PRKAG2: variants seen among roughly 807,000 people sequenced by gnomAD.
PRKAG2 encodes the protein protein kinase AMP-activated non-catalytic subunit gamma 2.
In PRKAG2, 26 loss-of-function variants were observed where a neutral mutation model predicts 69.6. The ratio of observed to expected loss-of-function variants is 0.37; its 90% CI spans 0.27 to 0.52. The LOEUF (loss-of-function observed/expected upper bound fraction) is 0.52. Among genes scored for constraint, PRKAG2 ranks in the 20% least tolerant of loss-of-function variants. The probability of loss-of-function intolerance (pLI) is 0.90; values close to 1 mark genes in which losing one functional copy is unlikely to be tolerated. For synonymous variants in PRKAG2, 293 were observed against 285.0 expected, an observed-to-expected ratio of 1.03 and a Z score of -0.28; for missense variants, 557 against 740.0, an observed-to-expected ratio of 0.75 and a Z score of 2.87.
intron 3 of PRKAG2, among the ~76,000 whole-genome samples, chr7:151,685,008 T>C (rs939279302): frequency 1.3e-5 from 2 of 152,178 alleles, no homozygotes; most frequent in Admixed American, 6.5e-5. Context: ...TAGGTATCAG[T>C]ACCACTTAGG....
chr7:151,738,409 C>T (rs749289258), intron 3 of PRKAG2, among the ~76,000 whole-genome samples: 3 of 152,256 alleles, frequency 2.0e-5, no homozygotes, highest in Non-Finnish European at 2.9e-5. Flanking sequence ...GCAAGCCCCC[C>T]AAAATCTGGC....
intron 4 of PRKAG2, among the ~76,000 whole-genome samples, chr7:151,642,898 T>A (rs1826963075): frequency 6.6e-6 from 1 of 152,220 alleles, no homozygotes; most frequent in South Asian, 2.1e-4. Context: ...AGCAAATACT[T>A]ACTTAATATG....
At chr7:151,761,644 T>G (rs2075418982) in intron 3 of PRKAG2, among the ~76,000 whole-genome samples, 1 of 152,194 alleles carries the variant, frequency 6.6e-6, no homozygotes. Context: ...CTGACTTGAT[T>G]TGATAGATAA....
chr7:151,748,903 G>T (rs2074478604), intron 3 of PRKAG2, among the ~76,000 whole-genome samples: 1 of 149,462 alleles, frequency 6.7e-6, no homozygotes, highest in African/African-American at 2.6e-5. Context: ...CACCCAACCT[G>T]CCCCCAGTGA....
At chr7:151,573,532 C>T (rs1429867750) in intron 8 of PRKAG2, among the ~76,000 whole-genome samples, 2 of 151,604 alleles carry the variant, frequency 1.3e-5, no homozygotes, top group Non-Finnish European at 2.9e-5. Context: ...GACATAACTG[C>T]TTTTTTGCAA....
chr7:151,841,844 GTGA>G (rs1353813172), intron 1 of PRKAG2, among the ~76,000 whole-genome samples: 1 of 148,926 alleles, frequency 6.7e-6, no homozygotes, highest in Admixed American at 6.7e-5. Context: ...ATGGTAGGTA[GTGA>G]TGGGTAGTGA....
intron 4 of PRKAG2, among the ~76,000 whole-genome samples, chr7:151,673,814 CCCT>C (rs1208946013): frequency 6.7e-6 from 1 of 150,028 alleles, no homozygotes; most frequent in Non-Finnish European, 1.5e-5. Context: ...TAGGGGTGGG[CCCT>C]CATCCAATGT....
intron 3 of PRKAG2, among the ~76,000 whole-genome samples, chr7:151,728,167 A>C (rs1167917300): frequency 6.6e-6 from 1 of 152,154 alleles, no homozygotes; most frequent in Non-Finnish European, 1.5e-5. Flanking sequence ...GGAGGCCAGC[A>C]GTCCCCAGGG....
At chr7:151,576,923 C>T (rs1809083937) in intron 6 of PRKAG2, among the ~76,000 whole-genome samples, 1 of 152,120 alleles carries the variant, frequency 6.6e-6, no homozygotes, top group Admixed American at 6.5e-5. Context: ...TTTTGAATTA[C>T]ACCTAAAGGC....
At chr7:151,750,932 C>A (rs2074629411) in intron 3 of PRKAG2, among the ~76,000 whole-genome samples, 1 of 151,294 alleles carries the variant, frequency 6.6e-6, no homozygotes, top group Non-Finnish European at 1.5e-5. Flanking sequence ...ATGCATTTTA[C>A]CACAAAAAAA....
chr7:151,606,589 C>T (rs978589946), intron 5 of PRKAG2, among the ~76,000 whole-genome samples: 3 of 152,040 alleles, frequency 2.0e-5, no homozygotes, highest in African/African-American at 7.2e-5. Flanking sequence ...GGAGGCTGAG[C>T]TGGGTGGATC....
chr7:151,869,118 A>G (rs1460645750), intron 1 of PRKAG2, among the ~76,000 whole-genome samples: 4 of 152,224 alleles, frequency 2.6e-5, no homozygotes, highest in Admixed American at 6.5e-5. Flanking sequence ...AGAGGCAGGA[A>G]AAGACACTAG....
chr7:151,690,776 A>G (rs2151527566), intron 3 of PRKAG2, among the ~76,000 whole-genome samples: 1 of 152,326 alleles, frequency 6.6e-6, no homozygotes, highest in African/African-American at 2.4e-5. Context: ...ACTGGTTTCT[A>G]GAGTGAATCA....
At chr7:151,643,172 C>G (rs549320382) in intron 4 of PRKAG2, among the ~76,000 whole-genome samples, 1 of 152,158 alleles carries the variant, frequency 6.6e-6, no homozygotes, top group South Asian at 2.1e-4. Context: ...TTATTGGGAG[C>G]GGAATATTTA....
rs2076639784 is a variant in PRKAG2, at chr7:151,781,013, G to A, written c.466+139C>T. On this transcript the variant is annotated intron_variant, in intron 3 of 15. Coordinates refer to ENST00000287878, the MANE Select transcript of PRKAG2 (RefSeq NM_016203.4). The surrounding 1 kb of genome is among the most constrained non-coding windows in gnomAD (Gnocchi z 6.1). ...GATTTGTTTAGGGGGAAGTGGGGGTGGGGAGAAACAGATACAGGCACTCAG... is the reference window on the plus strand; with the variant it reads ...GATTTGTTTAGGGGGAAGTGGGGGTAGGGAGAAACAGATACAGGCACTCAG... 8.9e-7 allele frequency: 1 copy of A among 1,127,508 alleles called. No homozygotes were observed. Among genetic ancestry groups the A allele is most frequent in the Non-Finnish European group, 1.3e-6 (1 of 758,656 alleles). The allele number at this position is 1,127,508 out of a possible 1,614,324, so 69.8% of individuals were successfully genotyped here. A position where few individuals can be genotyped will look rare whatever the true frequency, so the allele number is the denominator to read the frequency against.
rs972883896 is a variant in PRKAG2 at position 151,556,517 on chromosome 7, T to A, written c.*684A>T. On this transcript the variant is annotated 3_prime_UTR_variant, in exon 16 of 16. Coordinates refer to ENST00000287878, the MANE Select transcript of PRKAG2 (RefSeq NM_016203.4). ...AACTTAAATAATGAGAAATTTGCCATTTCAAAATAACTGAGAGTTTATTCA... is the reference window on the plus strand; with the variant it reads ...AACTTAAATAATGAGAAATTTGCCAATTCAAAATAACTGAGAGTTTATTCA... 1.3e-5 allele frequency: 2 copies of A among 152,648 alleles called. No homozygotes were observed. Among genetic ancestry groups the A allele is most frequent in the Non-Finnish European group, 2.9e-5 (2 of 68,080 alleles). The allele number at this position is 152,648 out of a possible 1,614,324, so 9.5% of individuals were successfully genotyped here.
intron 1 of PRKAG2, among the ~76,000 whole-genome samples, chr7:151,838,698 C>A (rs562406753): frequency 2.1e-5 from 3 of 145,910 alleles, no homozygotes; most frequent in Non-Finnish European, 4.5e-5. Context: ...TAAAGCAAGA[C>A]CCTGTTTCAA....
At chr7:151,576,571 G>A (rs1808987929) in intron 6 of PRKAG2, 119 bp from the exon 7 acceptor site, 1 of 853,346 alleles carries the variant, frequency 1.2e-6, no homozygotes, top group African/African-American at 1.7e-5. Context: ...CACCATCTTG[G>A]CTCACAGCAA....
chr7:151,838,896 T>C (rs1434842258), intron 1 of PRKAG2, among the ~76,000 whole-genome samples: 1 of 151,696 alleles, frequency 6.6e-6, no homozygotes, highest in Non-Finnish European at 1.5e-5. Context: ...ATGCCTGTAG[T>C]TCCAGCTACT....
Sources: allele counts gnomAD v4.1 joint callset (sites outside exome capture counted in the v4.1 genomes callset), GRCh38; gene constraint gnomAD v4.1.1; non-coding constraint Gnocchi (gnomAD v3.1); transcripts MANE v1.5; gene names NCBI Gene and HGNC (gene_info 2026-07-23, HGNC 2026-07-21).